Variants in ELAVL2 observed in about 807,000 individuals in gnomAD.
The protein encoded by ELAVL2 is ELAV-like protein 2.
ELAVL2 carries 4 observed loss-of-function variants against 34.6 expected under a neutral mutation model. That is an observed-to-expected ratio of 0.12 (90% CI 0.06 to 0.26). The LOEUF (loss-of-function observed/expected upper bound fraction) is 0.26, where lower values mean the gene tolerates loss of function less well. ELAVL2 is among the 10% of genes least tolerant of loss of function. ELAVL2 has a pLI of 1.00. For synonymous variants in ELAVL2, 193 were observed against 154.8 expected, an observed-to-expected ratio of 1.25 and a Z score of -1.83; for missense variants, 432 against 442.8, an observed-to-expected ratio of 0.98 and a Z score of 0.22.
At chr9:23,753,314 GCA>G (rs955768774) in intron 2 of ELAVL2, among the ~76,000 whole-genome samples, 2 of 152,084 alleles carry the variant, frequency 1.3e-5, no homozygotes, top group African/African-American at 2.4e-5. Context: ...AAATTTTGAA[GCA>G]CAGTTTTAGC....
chr9:23,807,091 T>C (rs1180642241), intron 1 of ELAVL2, among the ~76,000 whole-genome samples: 3 of 152,166 alleles, frequency 2.0e-5, no homozygotes, highest in Non-Finnish European at 4.4e-5. Flanking sequence ...CTAAAAGGCA[T>C]GCAAAGTTTT....
At chr9:23,722,003 T>TC (rs754492484) in intron 3 of ELAVL2, among the ~76,000 whole-genome samples, 3 of 152,184 alleles carry the variant, frequency 2.0e-5, no homozygotes, top group Non-Finnish European at 4.4e-5. Flanking sequence ...CCCGAATTGT[T>TC]CAAGTGTCAA....
At chr9:23,848,494 G>A in the ELAVL2 span, among the ~76,000 whole-genome samples, 1 of 152,082 alleles carries the variant, frequency 6.6e-6, no homozygotes, top group African/African-American at 2.4e-5. Flanking sequence ...AATCAATATT[G>A]ATGACTTTGG....
chr9:23,698,493 T>C (rs927617914), intron 5 of ELAVL2, among the ~76,000 whole-genome samples: 28 of 152,218 alleles, frequency 1.8e-4, no homozygotes, highest in African/African-American at 6.5e-4. Flanking sequence ...AAAAGTATTC[T>C]TGACCATAAT....
At chr9:23,778,220 G>A (rs1241215776) in intron 1 of ELAVL2, among the ~76,000 whole-genome samples, 1 of 152,196 alleles carries the variant, frequency 6.6e-6, no homozygotes, top group Non-Finnish European at 1.5e-5. Context: ...AGGTTGAAAA[G>A]AAGGACAAAG....
At chr9:23,747,924 TA>T (rs1229528137) in intron 2 of ELAVL2, among the ~76,000 whole-genome samples, 6 of 151,670 alleles carry the variant, frequency 4.0e-5, no homozygotes, top group Admixed American at 3.9e-4. Flanking sequence ...TTTTTTTTTT[TA>T]AAAAAAGGAC....
rs1336617495 is a variant in ELAVL2 at position 23,729,145 on chromosome 9, C to T, written c.333+1877G>A. Among the ~76,000 whole-genome samples, 23 of 152,156 alleles carry T rather than the reference C, an allele frequency of 1.5e-4. 1 individual carries two copies. Among genetic ancestry groups the T allele is most frequent in the Admixed American group, 1.4e-3 (22 of 15,270 alleles). On this transcript the variant is annotated intron_variant, in intron 3 of 6. Transcript: ENST00000397312. ...AGACCTATTTCCCCTGCATTTCTAC[C>T]TTCTTCTGGATCTTCGTGCAGGAGG...
chr9:23,780,512 G>A (rs545536390), intron 1 of ELAVL2, among the ~76,000 whole-genome samples: 129 of 152,144 alleles, frequency 8.5e-4, no homozygotes, highest in Middle Eastern at 6.8e-3. Context: ...GAAAATTTGT[G>A]GTCAATTTCC....
chr9:23,842,192 G>A, the ELAVL2 span, among the ~76,000 whole-genome samples: 1 of 152,064 alleles, frequency 6.6e-6, no homozygotes, highest in African/African-American at 2.4e-5. Flanking sequence ...AGAGTTTTTC[G>A]TTTAACCAGC....
At chr9:23,759,018 A>G (rs1410989410) in intron 2 of ELAVL2, among the ~76,000 whole-genome samples, 3 of 152,070 alleles carry the variant, frequency 2.0e-5, no homozygotes, top group Non-Finnish European at 4.4e-5. Context: ...AAGTTCCTCA[A>G]AAAATTAAAA....
chr9:23,722,955 A>G (rs897409874), intron 3 of ELAVL2, among the ~76,000 whole-genome samples: 45 of 152,152 alleles, frequency 3.0e-4, no homozygotes, highest in African/African-American at 1.1e-3. Flanking sequence ...AGCCAAACTG[A>G]CCTAGCACCA....
intron 5 of ELAVL2, among the ~76,000 whole-genome samples, chr9:23,695,394 C>G (rs959957820): frequency 1.4e-5 from 2 of 145,136 alleles, no homozygotes; most frequent in Admixed American, 7.1e-5. Context: ...ACAGGTCATG[C>G]TTTGCTACCA....
chr9:23,796,595 C>T (rs1324939532), intron 1 of ELAVL2, among the ~76,000 whole-genome samples: 1 of 152,254 alleles, frequency 6.6e-6, no homozygotes, highest in African/African-American at 2.4e-5. Flanking sequence ...AGATGCATGA[C>T]TTGCCTCACT....
chr9:23,823,197 C>G (rs2065049779), intron 1 of ELAVL2, among the ~76,000 whole-genome samples: 1 of 152,218 alleles, frequency 6.6e-6, no homozygotes, highest in Non-Finnish European at 1.5e-5. Flanking sequence ...GGGAAAACTG[C>G]TCAAAGCGCC....
At chr9:23,738,851 T>C (rs1434371117) in intron 2 of ELAVL2, among the ~76,000 whole-genome samples, 1 of 152,190 alleles carries the variant, frequency 6.6e-6, no homozygotes, top group Non-Finnish European at 1.5e-5. Context: ...AAGTTAATTT[T>C]AATAGCCATA....
chr9:23,796,090 A>G (rs2060890293), intron 1 of ELAVL2, among the ~76,000 whole-genome samples: 1 of 152,218 alleles, frequency 6.6e-6, no homozygotes, highest in African/African-American at 2.4e-5. Context: ...TTTGAACAGT[A>G]ATATACTTCT....
intron 1 of ELAVL2, among the ~76,000 whole-genome samples, chr9:23,777,053 T>G (rs1301437983): frequency 6.6e-6 from 1 of 152,192 alleles, no homozygotes; most frequent in African/African-American, 2.4e-5. Context: ...AAGTACAAGT[T>G]TCTTTAAAAG....
chr9:23,728,020 A>G (rs2045653370), intron 3 of ELAVL2, among the ~76,000 whole-genome samples: 1 of 152,092 alleles, frequency 6.6e-6, no homozygotes, highest in South Asian at 2.1e-4. Flanking sequence ...AAAGTAAAGC[A>G]CAGTGTCCTG....
At chr9:23,725,940 G>C (rs1564104435) in intron 3 of ELAVL2, among the ~76,000 whole-genome samples, 1 of 151,982 alleles carries the variant, frequency 6.6e-6, no homozygotes, top group Non-Finnish European at 1.5e-5. Context: ...GATATAAATG[G>C]AAACTTAAAT....
Sources: allele counts gnomAD v4.1 joint callset (sites outside exome capture counted in the v4.1 genomes callset), GRCh38; gene constraint gnomAD v4.1.1; transcripts MANE v1.5; gene names NCBI Gene and HGNC (gene_info 2026-07-23, HGNC 2026-07-21).